OXR1: variants seen among roughly 807,000 people sequenced by gnomAD.
OXR1 encodes the protein oxidation resistance 1.
OXR1 carries 41 observed loss-of-function variants against 104.6 expected under a neutral mutation model. The ratio of observed to expected loss-of-function variants is 0.39; its 90% CI spans 0.31 to 0.51. OXR1 has a LOEUF of 0.51. OXR1 is among the 20% of genes least tolerant of loss of function. The pLI, the probability that OXR1 is intolerant of heterozygous loss-of-function variation, is 0.77. For synonymous variants in OXR1, 348 were observed against 348.4 expected, an observed-to-expected ratio of 1.00 and a Z score of 0.01; for missense variants, 955 against 1,031.9, an observed-to-expected ratio of 0.93 and a Z score of 1.02.
intron 3 of OXR1, among the ~76,000 whole-genome samples, chr8:106,575,985 A>AACACACACAC (rs35038334): frequency 0.04 from 5,760 of 144,302 alleles, 133 homozygotes; most frequent in South Asian, 0.078. Context: ...AAATGTTTAT[A>AACACACACAC]ACACACACAC....
At chr8:106,276,001 G>A (rs887133411) in intron 1 of OXR1, among the ~76,000 whole-genome samples, 2 of 152,106 alleles carry the variant, frequency 1.3e-5, no homozygotes, top group African/African-American at 4.8e-5. Flanking sequence ...CATTTCCCCA[G>A]GCTTTCAGTC....
intron 14 of OXR1, among the ~76,000 whole-genome samples, chr8:106,741,688 C>T (rs10104941): frequency 0.14 from 21,133 of 152,072 alleles, 1,783 homozygotes; most frequent in East Asian, 0.36. Flanking sequence ...ATCTCTTATT[C>T]ATCAATTTTC....
chr8:106,439,472 A>T (rs1819701185), intron 2 of OXR1, among the ~76,000 whole-genome samples: 1 of 152,104 alleles, frequency 6.6e-6, no homozygotes, highest in South Asian at 2.1e-4. Flanking sequence ...AAAATAAAAC[A>T]GTTGTTTTAG....
intron 2 of OXR1, among the ~76,000 whole-genome samples, chr8:106,480,402 G>A (rs1045020972): frequency 1.3e-5 from 2 of 151,800 alleles, no homozygotes; most frequent in African/African-American, 4.8e-5. Flanking sequence ...CTTTAACTTG[G>A]CATATGGAAA....
intron 3 of OXR1, among the ~76,000 whole-genome samples, chr8:106,536,602 C>T (rs1814557979): frequency 6.6e-6 from 1 of 152,122 alleles, no homozygotes; most frequent in African/African-American, 2.4e-5. Context: ...AGCAATCTCG[C>T]CAGCCATTTT....
At chr8:106,367,341 A>G (rs1009250321) in intron 2 of OXR1, among the ~76,000 whole-genome samples, 43 of 152,026 alleles carry the variant, frequency 2.8e-4, no homozygotes, top group African/African-American at 8.9e-4. Context: ...GGGATTACAG[A>G]CATGAGCCAC....
At chr8:106,690,340 A>C (rs945380395) in intron 6 of OXR1, among the ~76,000 whole-genome samples, 1 of 151,098 alleles carries the variant, frequency 6.6e-6, no homozygotes, top group Non-Finnish European at 1.5e-5. Context: ...TTTTAAACCT[A>C]TTTTAAATAA....
chr8:106,499,323 A>T (rs1338105150), intron 2 of OXR1, among the ~76,000 whole-genome samples: 1 of 152,144 alleles, frequency 6.6e-6, no homozygotes, highest in Admixed American at 6.5e-5. Context: ...CTTATGAAAA[A>T]TGTTATTTCT....
At chr8:106,593,455 G>C (rs1281215614) in intron 3 of OXR1, among the ~76,000 whole-genome samples, 1 of 152,206 alleles carries the variant, frequency 6.6e-6, no homozygotes, top group East Asian at 1.9e-4. Flanking sequence ...ACACATAGTA[G>C]ATATTTTATC....
At chr8:106,702,026 G>A (rs191014643) in intron 7 of OXR1, among the ~76,000 whole-genome samples, 1 of 152,274 alleles carries the variant, frequency 6.6e-6, no homozygotes, top group African/African-American at 2.4e-5. Context: ...CTGGAGTGCA[G>A]TGGTGTGATT....
intron 3 of OXR1, among the ~76,000 whole-genome samples, chr8:106,649,565 AAAAAAG>A (rs1283711950): frequency 6.6e-6 from 1 of 151,850 alleles, no homozygotes; most frequent in Non-Finnish European, 1.5e-5. Context: ...GGAAAAAAAA[AAAAAAG>A]AAAAGATGGT....
At chr8:106,586,798 T>C (rs1033618047) in intron 3 of OXR1, among the ~76,000 whole-genome samples, 1 of 152,050 alleles carries the variant, frequency 6.6e-6, no homozygotes, top group South Asian at 2.1e-4. Flanking sequence ...GGGAAGAAGA[T>C]AGAGATAAAT....
chr8:106,655,788 C>G (rs755427442), intron 3 of OXR1, among the ~76,000 whole-genome samples: 4 of 151,998 alleles, frequency 2.6e-5, no homozygotes, highest in Non-Finnish European at 4.4e-5. Flanking sequence ...GAGTTTAAAT[C>G]AAAGATTGTA....
intron 6 of OXR1, among the ~76,000 whole-genome samples, chr8:106,685,467 T>G (rs996811955): frequency 1.3e-5 from 2 of 151,980 alleles, no homozygotes; most frequent in Admixed American, 1.3e-4. Context: ...AGGTATAAGA[T>G]CAAAGAAAAC....
chr8:106,542,856 G>A (rs1815063646), intron 3 of OXR1, among the ~76,000 whole-genome samples: 1 of 151,998 alleles, frequency 6.6e-6, no homozygotes, highest in Non-Finnish European at 1.5e-5. Flanking sequence ...AATATTTTTA[G>A]CAAACTCTCA....
In OXR1 at chr8:106,278,849, C is replaced by T. The variant is rs1022633429; in HGVS notation, c.-139+8482C>T. 1.2e-4 allele frequency among the ~76,000 whole-genome samples: 19 copies of T among 152,038 alleles called. 1 individual carries two copies. The highest frequency in any genetic ancestry group is 9.8e-4 in the Admixed American group (15 of 15,270). The stretch of plus-strand genomic sequence containing the variant: ...ATGTCTTAAAATGGGAAAATAAAAT[C>T]ACATATCTTTGCATTTTTAAAGTTA... On this transcript the variant is annotated intron_variant, in intron 1 of 16. Transcript: ENST00000517566.
chr8:106,412,849 A>G (rs1024397053), intron 2 of OXR1, among the ~76,000 whole-genome samples: 59 of 152,218 alleles, frequency 3.9e-4, no homozygotes, highest in African/African-American at 1.4e-3. Flanking sequence ...AGATGTATAT[A>G]TCATTACAGG....
At chr8:106,303,952 A>T (rs1813372412) in intron 1 of OXR1, among the ~76,000 whole-genome samples, 1 of 152,236 alleles carries the variant, frequency 6.6e-6, no homozygotes, top group African/African-American at 2.4e-5. Context: ...TGTAAATAGT[A>T]AAAAACACTA....
intron 3 of OXR1, among the ~76,000 whole-genome samples, chr8:106,538,181 C>G (rs190065232): frequency 6.6e-6 from 1 of 152,270 alleles, no homozygotes; most frequent in African/African-American, 2.4e-5. Context: ...TCACATCTGG[C>G]AAATTATGTG....
Sources: allele counts gnomAD v4.1 joint callset (sites outside exome capture counted in the v4.1 genomes callset), GRCh38; gene constraint gnomAD v4.1.1; transcripts MANE v1.5; gene names NCBI Gene and HGNC (gene_info 2026-07-23, HGNC 2026-07-21).